Variants in SNTG1 observed in about 807,000 individuals in gnomAD.
SNTG1 encodes syntrophin gamma 1, also known as gamma-1-syntrophin.
Under a neutral mutation model 74.7 loss-of-function variants are expected in SNTG1, and 39 were observed. The ratio of observed to expected loss-of-function variants is 0.52; its 90% CI spans 0.40 to 0.68. The LOEUF is 0.68. Among genes scored for constraint, SNTG1 ranks in the 30% least tolerant of loss-of-function variants. The probability of loss-of-function intolerance (pLI) is 0.00; values close to 1 mark genes in which losing one functional copy is unlikely to be tolerated. For synonymous variants in SNTG1, 254 were observed against 217.1 expected (o/e 1.17, Z -1.49); for missense variants, 685 against 609.5 (o/e 1.12, Z -1.30).
At chr8:50,284,464 T>G (rs1227676826) in intron 2 of SNTG1, among the ~76,000 whole-genome samples, 3 of 152,164 alleles carry the variant, frequency 2.0e-5, no homozygotes, top group Non-Finnish European at 4.4e-5. Context: ...ATGTTCTGAC[T>G]TTGGCCATTG....
chr8:49,977,987 A>G (rs1585742922), intron 1 of SNTG1, among the ~76,000 whole-genome samples: 2 of 152,200 alleles, frequency 1.3e-5, no homozygotes, highest in Admixed American at 6.5e-5. Flanking sequence ...ATAAGGGGAA[A>G]TAATAATAAT....
At chr8:50,766,835 T>C (rs2095615103) in intron 18 of SNTG1, among the ~76,000 whole-genome samples, 2 of 152,014 alleles carry the variant, frequency 1.3e-5, no homozygotes, top group Admixed American at 1.3e-4. Flanking sequence ...TTCTAAGATA[T>C]AATATATTTA....
intron 13 of SNTG1, among the ~76,000 whole-genome samples, chr8:50,614,944 C>CTT (rs1217362389): frequency 7.3e-5 from 10 of 136,748 alleles, no homozygotes; most frequent in African/African-American, 1.3e-4. Context: ...GTAGTTTTTT[C>CTT]TTTTTTTTTT....
chr8:50,613,768 A>G (rs2094867313), intron 13 of SNTG1, among the ~76,000 whole-genome samples: 2 of 152,146 alleles, frequency 1.3e-5, no homozygotes, highest in Admixed American at 1.3e-4. Flanking sequence ...TTAACAAAAT[A>G]TTACATGTAA....
intron 13 of SNTG1, among the ~76,000 whole-genome samples, chr8:50,627,986 A>G (rs111815600): frequency 0.031 from 4,723 of 152,262 alleles, 116 homozygotes; most frequent in African/African-American, 0.054. Context: ...GGATTAAAGC[A>G]TGGGCTGAAA....
At chr8:50,538,896 G>T (rs914439167) in intron 11 of SNTG1, among the ~76,000 whole-genome samples, 1 of 151,992 alleles carries the variant, frequency 6.6e-6, no homozygotes, top group Non-Finnish European at 1.5e-5. Flanking sequence ...TAAACAGATT[G>T]GGAAAAGTTT....
chr8:50,582,969 G>A (rs898157725), intron 12 of SNTG1, among the ~76,000 whole-genome samples: 2 of 152,076 alleles, frequency 1.3e-5, no homozygotes, highest in African/African-American at 2.4e-5. Flanking sequence ...CACAACTGCA[G>A]CATAAAATGA....
At chr8:50,390,612 C>A (rs1407794605) in intron 2 of SNTG1, among the ~76,000 whole-genome samples, 1 of 152,154 alleles carries the variant, frequency 6.6e-6, no homozygotes, top group Non-Finnish European at 1.5e-5. Context: ...TGAAGAAATT[C>A]ATTGGTAGCT....
At chr8:50,203,681 G>A (rs1220556599) in intron 2 of SNTG1, among the ~76,000 whole-genome samples, 1 of 151,868 alleles carries the variant, frequency 6.6e-6, no homozygotes, top group African/African-American at 2.4e-5. Flanking sequence ...TTGAAGCTTA[G>A]TTTCGTATTA....
At chr8:50,154,331 C>T (rs1489445604) in intron 1 of SNTG1, among the ~76,000 whole-genome samples, 6 of 152,064 alleles carry the variant, frequency 3.9e-5, no homozygotes, top group Admixed American at 1.3e-4. Flanking sequence ...TGTCTGTCAC[C>T]GCTTCCCTTG....
intron 1 of SNTG1, among the ~76,000 whole-genome samples, chr8:50,129,820 G>C (rs899623979): frequency 1.3e-5 from 2 of 152,008 alleles, no homozygotes; most frequent in Non-Finnish European, 2.9e-5. Context: ...TGTTGTTGTT[G>C]TTGTTGAGGA....
intron 4 of SNTG1, 108 bp downstream of exon 4, chr8:50,402,452 T>C (rs2092819154): frequency 2.3e-6 from 3 of 1,295,304 alleles, no homozygotes; most frequent in South Asian, 1.5e-5. Context: ...GTCTAGTCAA[T>C]GGTTCTGCAT....
rs181940468 is a variant in SNTG1 at position 50,035,481 on chromosome 8, G to T, written c.-103+123250G>T. 3.5e-3 allele frequency among the ~76,000 whole-genome samples: 533 copies of T among 152,230 alleles called. 4 individuals are homozygous for T. Among genetic ancestry groups the T allele is most frequent in the African/African-American group, 0.012 (485 of 41,550 alleles). On this transcript the variant is annotated intron_variant, in intron 1 of 18. Coordinates refer to ENST00000642720, the MANE Select transcript of SNTG1 (RefSeq NM_018967.5). ...TTTTCTGGGTGTACATTTTTTCCCA[G>T]AGATGGCACATGAGCAAAAATGTGA...
intron 2 of SNTG1, among the ~76,000 whole-genome samples, chr8:50,267,324 A>C (rs1392479148): frequency 6.6e-6 from 1 of 152,142 alleles, no homozygotes; most frequent in African/African-American, 2.4e-5. Context: ...TAAGATGAAA[A>C]ATGACCTAGT....
At chr8:50,469,375 T>A (rs1401561045) in intron 8 of SNTG1, among the ~76,000 whole-genome samples, 1 of 152,052 alleles carries the variant, frequency 6.6e-6, no homozygotes, top group Non-Finnish European at 1.5e-5. Flanking sequence ...ATTCCCCTGC[T>A]GCGTGTCCAC....
intron 13 of SNTG1, among the ~76,000 whole-genome samples, chr8:50,634,104 C>CCATGCGGAGTCAAACACTGA (rs2095022886): frequency 6.6e-6 from 1 of 152,200 alleles, no homozygotes; most frequent in Non-Finnish European, 1.5e-5. Flanking sequence ...TCAGCACCCA[C>CCATGCGGAGTCAAACACTGA]CATGCGGAGT....
intron 1 of SNTG1, among the ~76,000 whole-genome samples, chr8:50,006,511 T>C (rs919842241): frequency 6.6e-6 from 1 of 152,222 alleles, no homozygotes; most frequent in African/African-American, 2.4e-5. Flanking sequence ...TTTTGGCTTA[T>C]TATGTTTCAA....
chr8:50,099,947 T>C (rs1036742787), intron 1 of SNTG1, among the ~76,000 whole-genome samples: 5 of 152,062 alleles, frequency 3.3e-5, no homozygotes, highest in Admixed American at 6.6e-5. Context: ...TTTCACTGTG[T>C]TGTTGATTCC....
chr8:50,566,018 A>G (rs989031999), intron 12 of SNTG1, among the ~76,000 whole-genome samples: 3 of 151,818 alleles, frequency 2.0e-5, no homozygotes, highest in East Asian at 1.9e-4. Context: ...AATGTTTAAT[A>G]TAAGTGAATT....
Sources: gnomAD v4.1 joint callset for allele counts (sites outside exome capture counted in the v4.1 genomes callset) on GRCh38, gnomAD v4.1.1 for gene constraint, MANE v1.5 for transcripts, NCBI Gene and HGNC (gene_info 2026-07-23, HGNC 2026-07-21) for gene names.